Variants in STAC observed in about 807,000 individuals in gnomAD.
The protein encoded by STAC is SH3 and cysteine-rich domain-containing protein.
STAC carries 43 observed loss-of-function variants against 48.8 expected under a neutral mutation model. That is an observed-to-expected ratio of 0.88 (90% CI 0.69 to 1.14). The LOEUF is 1.14. STAC is among the 50% of genes most tolerant of loss of function. The pLI is 0.00. For missense variants in STAC, 497 were observed against 504.0 expected (o/e 0.99, Z 0.13); for synonymous variants, 193 against 179.5 (o/e 1.07, Z -0.60).
intron 8 of STAC, among the ~76,000 whole-genome samples, chr3:36,516,277 C>T (rs909818466): frequency 5.3e-5 from 8 of 152,052 alleles, no homozygotes; most frequent in African/African-American, 1.9e-4. Flanking sequence ...CCACCGTGCC[C>T]AGCCCTCATA....
Position 36,443,393 on chromosome 3 carries a change from C to T in STAC, c.141C>T (p.Phe47=), listed in dbSNP as rs1049047178. ...AGAAACTAAAACGATCACTTTCTTT[C>T]AAGACCAAGAGTTTACGGAGCAAAA... ...KLQKLKRSLS[F]KTKSLRSKSA... Residue 47 remains phenylalanine, a synonymous_variant, in exon 2 of 11, where the codon TTC becomes TTT. Transcript: ENST00000273183. This position sits in a 1 kb window ranked among gnomAD's most constrained non-coding sequence, Gnocchi z 4.2. The T allele has an allele frequency of 1.2e-6, 2 of 1,614,108 alleles. No individual in the cohort carries two copies. The highest frequency in any genetic ancestry group is 1.7e-6 in the Non-Finnish European group (2 of 1,180,054).
intron 10 of STAC, among the ~76,000 whole-genome samples, chr3:36,545,026 G>A (rs1162194686): frequency 6.6e-6 from 1 of 152,128 alleles, no homozygotes; most frequent in Non-Finnish European, 1.5e-5. Flanking sequence ...TGATGGAAGA[G>A]CCCACTGTGG....
intron 8 of STAC, among the ~76,000 whole-genome samples, chr3:36,522,291 C>T (rs1698826550): frequency 6.6e-6 from 1 of 152,132 alleles, no homozygotes; most frequent in Non-Finnish European, 1.5e-5. Flanking sequence ...AGGGATGACC[C>T]TTACTTTAAA....
intron 2 of STAC, among the ~76,000 whole-genome samples, chr3:36,477,186 G>C (rs1160374408): frequency 6.6e-6 from 1 of 151,826 alleles, no homozygotes; most frequent in Non-Finnish European, 1.5e-5. Context: ...TTTTATACTT[G>C]TGTAATCTGG....
In STAC at chr3:36,547,250, G is replaced by T. The variant is rs999184234; in HGVS notation, c.*961G>T. On this transcript the variant is annotated 3_prime_UTR_variant, in exon 11 of 11. Coordinates refer to ENST00000273183, the MANE Select transcript of STAC (RefSeq NM_003149.3). ...ACTCCACTTTGAAGGTTGTGCCTAC[G>T]TTGCAGGGAACTAGGAACATGGAGG... The T allele has an allele frequency of 1.3e-5, 2 of 152,396 alleles. No individual in the cohort carries two copies. Among genetic ancestry groups the T allele is most frequent in the African/African-American group, 2.4e-5 (1 of 41,452 alleles). 9.4% of individuals were successfully genotyped at this position (152,396 alleles called of 1,614,324 possible).
At position 36,440,085 on chromosome 3, in the gene STAC, G is replaced by C. The variant is rs531993238; in HGVS notation, c.112-3279G>C. 7.9e-5 allele frequency among the ~76,000 whole-genome samples: 12 copies of C among 152,332 alleles called. No individual in the cohort carries two copies. The East Asian group carries it at 1.9e-3, about 24-fold the overall frequency. On this transcript the variant is annotated intron_variant, in intron 1 of 10. Transcript: ENST00000273183. ...CGTCTCTGGCTAGCCTTTTCTAGCT[G>C]ATGTTGCCCTATTAGCAGCCCTAGT...
chr3:36,497,177 T>TA (rs376290090), intron 6 of STAC, among the ~76,000 whole-genome samples: 285 of 152,336 alleles, frequency 1.9e-3, no homozygotes, highest in African/African-American at 6.5e-3. Context: ...CTCCAGTGGA[T>TA]ATTTCTACAT....
chr3:36,416,753 C>T (rs1436105505), intron 1 of STAC, among the ~76,000 whole-genome samples: 2 of 152,046 alleles, frequency 1.3e-5, no homozygotes, highest in Non-Finnish European at 2.9e-5. Flanking sequence ...GTTATTTTTT[C>T]CTGAGGGCTA....
intron 1 of STAC, among the ~76,000 whole-genome samples, chr3:36,407,516 G>A (rs1384990171): frequency 6.6e-6 from 1 of 152,196 alleles, no homozygotes. Flanking sequence ...CATGCTTTGG[G>A]CCAGCCCCAG....
chr3:36,518,896 A>G (rs1698736410), intron 8 of STAC, among the ~76,000 whole-genome samples: 1 of 152,208 alleles, frequency 6.6e-6, no homozygotes, highest in Non-Finnish European at 1.5e-5. Context: ...CTGTTCTCAA[A>G]GAGCTCAGGC....
chr3:36,537,721 T>A (rs1201254752), intron 10 of STAC, among the ~76,000 whole-genome samples: 3 of 151,944 alleles, frequency 2.0e-5, no homozygotes, highest in Non-Finnish European at 4.4e-5. Flanking sequence ...AAAATAAAAA[T>A]TTTTAAAAAG....
At position 36,480,650 on chromosome 3, in the gene STAC, G is replaced by A. The variant is rs144398326; in HGVS notation, c.389-2342G>A. Among the ~76,000 whole-genome samples, 13 of 152,276 alleles carry A rather than the reference G, an allele frequency of 8.5e-5. No individual in the cohort carries two copies. In the East Asian group the frequency reaches 1.2e-3, roughly 14 times the overall value. ...TAGGCAGGACCTTCTCCAACCTGGG[G>A]CAAATCTTCTACCACTTGGACCCTT... On this transcript the variant is annotated intron_variant, in intron 2 of 10. Transcript: ENST00000273183.
At chr3:36,412,578 T>C (rs2125636134) in intron 1 of STAC, among the ~76,000 whole-genome samples, 1 of 152,336 alleles carries the variant, frequency 6.6e-6, no homozygotes, top group Non-Finnish European at 1.5e-5. Flanking sequence ...AAAGATATTC[T>C]TCTACATTGT....
chr3:36,445,373 C>A (rs1366632545), intron 2 of STAC, among the ~76,000 whole-genome samples: 1 of 152,142 alleles, frequency 6.6e-6, no homozygotes, highest in Non-Finnish European at 1.5e-5. Context: ...CAACGAGTCT[C>A]ACTGCTCTTT....
chr3:36,394,991 T>C (rs1202504998), intron 1 of STAC, among the ~76,000 whole-genome samples: 2 of 151,182 alleles, frequency 1.3e-5, no homozygotes, highest in African/African-American at 2.4e-5. Context: ...AGGAATGACT[T>C]TTAAAAGGTT....
chr3:36,422,346 A>G (rs1700469174), intron 1 of STAC, among the ~76,000 whole-genome samples: 1 of 152,300 alleles, frequency 6.6e-6, no homozygotes, highest in African/African-American at 2.4e-5. Flanking sequence ...CAGTGTAAGT[A>G]CATATCACCA....
At chr3:36,492,031 A>AATATATAT (rs11267408) in intron 5 of STAC, among the ~76,000 whole-genome samples, 67 of 16,432 alleles carry the variant, frequency 4.1e-3, no homozygotes, top group East Asian at 7.4e-3. Context: ...AAAAAAAAAA[A>AATATATAT]ATATATATAT....
chr3:36,499,865 A>C (rs1698240496), intron 6 of STAC, among the ~76,000 whole-genome samples: 1 of 150,964 alleles, frequency 6.6e-6, no homozygotes, highest in Non-Finnish European at 1.5e-5. Context: ...AATATTAAGC[A>C]AAAAAAAATA....
intron 1 of STAC, among the ~76,000 whole-genome samples, chr3:36,386,256 G>C (rs1279614324): frequency 6.6e-6 from 1 of 151,562 alleles, no homozygotes; most frequent in East Asian, 1.9e-4. Flanking sequence ...CATGTTTATG[G>C]CATTTGATGT....
Sources: allele counts gnomAD v4.1 joint callset (sites outside exome capture counted in the v4.1 genomes callset), GRCh38; gene constraint gnomAD v4.1.1; non-coding constraint Gnocchi (gnomAD v3.1); transcripts MANE v1.5; gene names NCBI Gene and HGNC (gene_info 2026-07-23, HGNC 2026-07-21).